The following MAGI2 variants were observed in gnomAD, a reference collection of about 807,000 sequenced individuals.
The protein encoded by MAGI2 is membrane associated guanylate kinase, WW and PDZ domain containing 2.
In MAGI2, 35 loss-of-function variants were observed where a neutral mutation model predicts 133.3. The ratio of observed to expected loss-of-function variants is 0.26; its 90% CI spans 0.20 to 0.35. The LOEUF is 0.35. MAGI2 is among the 10% of genes least tolerant of loss of function. The probability of loss-of-function intolerance (pLI) is 1.00; values close to 1 mark genes in which losing one functional copy is unlikely to be tolerated. For missense variants in MAGI2, 1,636 were observed against 1,863.4 expected (o/e 0.88, Z 2.25); for synonymous variants, 729 against 710.6 (o/e 1.03, Z -0.41).
chr7:79,289,682 G>T (rs1192382086), intron 1 of MAGI2, among the ~76,000 whole-genome samples: 2 of 152,058 alleles, frequency 1.3e-5, no homozygotes, highest in African/African-American at 4.8e-5. Context: ...CTGGACTAGG[G>T]CAGGGAGCTC....
rs796879642 is a variant in MAGI2 at position 78,482,894 on chromosome 7, CA to C, written c.1045+6866del. Among the ~76,000 whole-genome samples, 10 of 56,642 alleles carry C rather than the reference CA, an allele frequency of 1.8e-4. No homozygotes were observed. The South Asian group carries it at 6.7e-3, about 38-fold the overall frequency. 37.2% of individuals were successfully genotyped at this position (56,642 alleles called of 152,430 possible). A position where few individuals can be genotyped will look rare whatever the true frequency, so the allele number is the denominator to read the frequency against. Reference sequence around the variant, plus strand: ...ACATGGAACTACACACACACACACACACACACACACACACACACACACACAC... The same window carrying C: ...ACATGGAACTACACACACACACACACCACACACACACACACACACACACAC... On this transcript the variant is annotated intron_variant, in intron 6 of 21. Transcript: ENST00000354212.
chr7:78,117,010 T>C (rs1819932428), intron 20 of MAGI2, among the ~76,000 whole-genome samples: 1 of 151,428 alleles, frequency 6.6e-6, no homozygotes, highest in Admixed American at 6.6e-5. Flanking sequence ...AAGATAATTA[T>C]TTAGAAACAT....
intron 1 of MAGI2, among the ~76,000 whole-genome samples, chr7:79,303,791 T>C (rs1343026040): frequency 6.6e-6 from 1 of 152,190 alleles, no homozygotes; most frequent in Non-Finnish European, 1.5e-5. Flanking sequence ...GACCTTATAT[T>C]GTTTATAGAT....
At chr7:78,592,528 A>ATT (rs1563214758) in intron 3 of MAGI2, among the ~76,000 whole-genome samples, 1 of 152,216 alleles carries the variant, frequency 6.6e-6, no homozygotes. Context: ...TATTGAACAT[A>ATT]TTATATGATG....
intron 1 of MAGI2, among the ~76,000 whole-genome samples, chr7:79,241,258 C>T (rs1465537687): frequency 1.3e-5 from 2 of 152,144 alleles, no homozygotes; most frequent in African/African-American, 4.8e-5. Context: ...AATAAACTGC[C>T]AAACAGAATC....
intron 10 of MAGI2, among the ~76,000 whole-genome samples, chr7:78,237,082 G>A (rs1266786493): frequency 2.0e-5 from 3 of 152,174 alleles, no homozygotes; most frequent in Non-Finnish European, 2.9e-5. Flanking sequence ...AATTCAAGAT[G>A]AGATTTGGGT....
chr7:78,110,809 G>T (rs894584667), intron 20 of MAGI2, among the ~76,000 whole-genome samples: 3 of 152,166 alleles, frequency 2.0e-5, no homozygotes, highest in African/African-American at 7.2e-5. Flanking sequence ...GAAGGGGACA[G>T]GGTCTGACAA....
intron 1 of MAGI2, among the ~76,000 whole-genome samples, chr7:79,213,224 A>ATG (rs1020473779): frequency 1.3e-4 from 12 of 89,816 alleles, no homozygotes; most frequent in Admixed American, 8.0e-4. Flanking sequence ...GTATATATAT[A>ATG]TGTGTGTGTG....
intron 1 of MAGI2, among the ~76,000 whole-genome samples, chr7:79,284,057 G>A (rs970561951): frequency 6.6e-6 from 1 of 152,040 alleles, no homozygotes; most frequent in African/African-American, 2.4e-5. Context: ...GTGTGTAGTA[G>A]GTTGTATGAT....
Position 78,346,183 on chromosome 7 carries a change from G to C in MAGI2, c.1104-140C>G. On this transcript the variant is annotated intron_variant, in intron 7 of 21. Coordinates refer to ENST00000354212, the MANE Select transcript of MAGI2 (RefSeq NM_012301.4). ...AGTGCCTCACCCAGCACGCGGTCAG[G>C]CTCCTGACTGGGCTGGCCTGTGTAC... is the stretch of plus-strand genomic sequence containing the variant. 6 of 883,536 alleles carry C rather than the reference G, an allele frequency of 6.8e-6. No homozygotes were observed. The Admixed American group carries it at 1.5e-4, about 21-fold the overall frequency. 54.7% of individuals were successfully genotyped at this position (883,536 alleles called of 1,614,324 possible).
intron 2 of MAGI2, among the ~76,000 whole-genome samples, chr7:78,671,084 T>G (rs532591102): frequency 7.9e-5 from 12 of 152,128 alleles, no homozygotes; most frequent in Admixed American, 2.0e-4. Flanking sequence ...AAATCATTTG[T>G]AGAGTAAGAT....
At chr7:78,468,795 G>C (rs918380248) in intron 6 of MAGI2, among the ~76,000 whole-genome samples, 1 of 152,108 alleles carries the variant, frequency 6.6e-6, no homozygotes, top group African/African-American at 2.4e-5. Context: ...GGATAAGGTG[G>C]TGCTGCTTGC....
chr7:78,541,892 T>C (rs1798440019), intron 3 of MAGI2, among the ~76,000 whole-genome samples: 1 of 152,224 alleles, frequency 6.6e-6, no homozygotes, highest in African/African-American at 2.4e-5. Context: ...ATGTAGTTGT[T>C]TTTAGGTATT....
chr7:78,291,294 C>G (rs1208177498), intron 9 of MAGI2, among the ~76,000 whole-genome samples: 6 of 152,188 alleles, frequency 3.9e-5, no homozygotes, highest in Non-Finnish European at 8.8e-5. Context: ...TCACAGAATA[C>G]TATAAACACA....
At chr7:78,835,746 G>T in intron 2 of MAGI2, among the ~76,000 whole-genome samples, 1 of 152,138 alleles carries the variant, frequency 6.6e-6, no homozygotes, top group East Asian at 1.9e-4. Flanking sequence ...TGTGGCAGGA[G>T]GAAAAAGTGA....
chr7:78,649,908 C>A (rs536330623), intron 2 of MAGI2, among the ~76,000 whole-genome samples: 19 of 152,228 alleles, frequency 1.2e-4, no homozygotes, highest in Non-Finnish European at 2.2e-4. Context: ...ATGCTTTACC[C>A]CAAGGCTTCT....
At chr7:79,043,915 T>G (rs984023120) in intron 1 of MAGI2, among the ~76,000 whole-genome samples, 1 of 152,048 alleles carries the variant, frequency 6.6e-6, no homozygotes, top group Non-Finnish European at 1.5e-5. Context: ...ATTAGAGTTG[T>G]GAAATTGAAT....
intron 1 of MAGI2, chr7:79,414,759 T>C (rs960058131): frequency 6.6e-6 from 1 of 152,168 alleles, no homozygotes; most frequent in African/African-American, 2.4e-5. Flanking sequence ...ACAAGAGTTG[T>C]GGGGAATACA....
At chr7:78,154,288 A>G (rs1479009970) in intron 16 of MAGI2, among the ~76,000 whole-genome samples, 2 of 152,214 alleles carry the variant, frequency 1.3e-5, no homozygotes, top group East Asian at 3.8e-4. Context: ...CCTTAGGGAA[A>G]GTCAAGAATG....
Sources: gnomAD v4.1 joint callset for allele counts (sites outside exome capture counted in the v4.1 genomes callset) on GRCh38, gnomAD v4.1.1 for gene constraint, MANE v1.5 for transcripts, NCBI Gene and HGNC (gene_info 2026-07-23, HGNC 2026-07-21) for gene names.